Variants in SH2D2A observed in about 807,000 individuals in gnomAD.
SH2D2A encodes the protein SH2 domain-containing protein 2A.
A neutral mutation model predicts 43.6 loss-of-function variants in SH2D2A; 33 were observed. The observed-to-expected ratio is 0.76, with a 90% CI of 0.57 to 1.01. The LOEUF (loss-of-function observed/expected upper bound fraction) is 1.01. Ranked by LOEUF, SH2D2A falls within the 50% of genes least tolerant of loss-of-function variation. SH2D2A has a pLI of 0.00. For synonymous variants in SH2D2A, 212 were observed against 206.1 expected, an observed-to-expected ratio of 1.03 and a Z score of -0.25; for missense variants, 491 against 503.1, an observed-to-expected ratio of 0.98 and a Z score of 0.23.
At chr1:156,814,974 C>A in intron 3 of SH2D2A, 63 bp downstream of exon 3, 2 of 1,365,826 alleles carry the variant, frequency 1.5e-6, no homozygotes, top group Non-Finnish European at 1.9e-6. Flanking sequence ...TGGCAGGTGG[C>A]AGGACCCAGA....
At position 156,809,819 on chromosome 1, in the gene SH2D2A, G is replaced by A; in HGVS notation, c.568-12C>T. On this transcript the variant is annotated splice_polypyrimidine_tract_variant and intron_variant, in intron 5 of 8. Coordinates refer to ENST00000368199, the MANE Select transcript of SH2D2A (RefSeq NM_003975.4). The surrounding 1 kb of genome is among the most constrained non-coding windows in gnomAD (Gnocchi z 4.8). ...GCAGGCTCAGGAGTCTGCTGGGAAA[G>A]AAGGAGGTCTGAGGCACTCGGTGGA... The A allele has an allele frequency of 6.2e-7, 1 of 1,613,424 alleles. No individual in the cohort carries two copies. The highest frequency in any genetic ancestry group is 8.5e-7 in the Non-Finnish European group (1 of 1,179,548).
intron 5 of SH2D2A, among the ~76,000 whole-genome samples, chr1:156,812,587 C>T (rs1653495191): frequency 6.6e-6 from 1 of 152,200 alleles, no homozygotes; most frequent in Non-Finnish European, 1.5e-5. Flanking sequence ...AGTGGCCTTC[C>T]CTGACACCCT....
chr1:156,810,849 C>A (rs1653362015), intron 5 of SH2D2A, among the ~76,000 whole-genome samples: 2 of 152,142 alleles, frequency 1.3e-5, no homozygotes. Flanking sequence ...GGGCAGAGAC[C>A]ACCTCAGGAG....
At chr1:156,815,841 A>G (rs1316873293) in intron 2 of SH2D2A, 165 bp downstream of exon 2, 3 of 1,613,668 alleles carry the variant, frequency 1.9e-6, no homozygotes, top group Non-Finnish European at 2.5e-6. Context: ...TGAAGGAGGT[A>G]CTCCTCATTT....
Position 156,807,456 on chromosome 1 carries a change from T to C in SH2D2A, c.1003-111A>G, listed in dbSNP as rs3765782. On this transcript the variant is annotated intron_variant, in intron 7 of 8. Transcript: ENST00000368199. The surrounding 1 kb of genome is among the most constrained non-coding windows in gnomAD (Gnocchi z 5.1). ...CAGACTTTGGCTTCCAGAGAGGGTATCTAAACTCCTCTCATTCATTAATTC... is the reference window on the plus strand; with the variant it reads ...CAGACTTTGGCTTCCAGAGAGGGTACCTAAACTCCTCTCATTCATTAATTC... The C allele has an allele frequency of 6.2e-4, 508 of 819,936 alleles. 9 individuals carry two copies. In the East Asian group the frequency reaches 0.013, roughly 21 times the overall value. 50.8% of individuals were successfully genotyped at this position (819,936 alleles called of 1,614,324 possible).
intron 1 of SH2D2A, 38 bp downstream of exon 1, chr1:156,816,637 T>C: frequency 6.3e-7 from 1 of 1,589,952 alleles, no homozygotes; most frequent in Non-Finnish European, 8.6e-7. Context: ...GGGGTCTTTG[T>C]GCCCCCTCCC....
At chr1:156,811,438 C>T (rs956335991) in intron 5 of SH2D2A, among the ~76,000 whole-genome samples, 1 of 152,196 alleles carries the variant, frequency 6.6e-6, no homozygotes, top group African/African-American at 2.4e-5. Flanking sequence ...AGTGACAAGA[C>T]TCTGTGTGAT....
In SH2D2A at chr1:156,809,825, G is replaced by A. The variant is rs1206295924; in HGVS notation, c.568-18C>T. 1 of 1,613,392 alleles carries A rather than the reference G, an allele frequency of 6.2e-7. No homozygotes were observed. Among genetic ancestry groups the A allele is most frequent in the South Asian group, 1.1e-5 (1 of 91,028 alleles). On this transcript the variant is annotated intron_variant, in intron 5 of 8. Coordinates refer to ENST00000368199, the MANE Select transcript of SH2D2A (RefSeq NM_003975.4). This position sits in a 1 kb window ranked among gnomAD's most constrained non-coding sequence, Gnocchi z 4.8. ...TCAGGAGTCTGCTGGGAAAGAAGGAGGTCTGAGGCACTCGGTGGAGCGTTG... is the reference window on the plus strand; with the variant it reads ...TCAGGAGTCTGCTGGGAAAGAAGGAAGTCTGAGGCACTCGGTGGAGCGTTG...
In SH2D2A at chr1:156,815,186, T is replaced by C; in HGVS notation, c.159A>G (p.Thr53=). 6.3e-7 allele frequency: 1 copy of C among 1,590,312 alleles called. No homozygotes were observed. The highest frequency in any genetic ancestry group is 8.6e-7 in the Non-Finnish European group (1 of 1,167,692). ...CCTCCTCTGCCCTCTCAGCATTCCCTGTGTTGGAGGCAGCCTCCGGGGCCT... is the reference window on the plus strand; with the variant it reads ...CCTCCTCTGCCCTCTCAGCATTCCCCGTGTTGGAGGCAGCCTCCGGGGCCT... ...SPQAPEAASN[T]GNAERAEEVP... Residue 53 remains threonine, a synonymous_variant, in exon 3 of 9, where the codon ACA becomes ACG. Transcript: ENST00000368199.
chr1:156,812,910 C>T (rs1212369218), intron 5 of SH2D2A, among the ~76,000 whole-genome samples: 1 of 152,192 alleles, frequency 6.6e-6, no homozygotes, highest in African/African-American at 2.4e-5. Flanking sequence ...TTTTCCAGTG[C>T]GCAGAAAGTT....
Position 156,814,226 on chromosome 1 carries a change from A to C in SH2D2A, c.377T>G (p.Val126Gly). Residue 126 changes from valine to glycine, a missense_variant, in exon 4 of 9, where the codon GTG becomes GGG. Transcript: ENST00000368199. ...CYLVRFSESA[V>G]TFVLTYRSRT... is the part of the protein sequence containing the mutation. Reference sequence around the variant, plus strand: ...TCACCTGTAAGTCAGCACGAAGGTCACCGCGCTCTCGCTGAACCGCACCAA... The same window carrying C: ...TCACCTGTAAGTCAGCACGAAGGTCCCCGCGCTCTCGCTGAACCGCACCAA... 1.2e-6 allele frequency: 2 copies of C among 1,613,814 alleles called. No homozygotes were observed. Among genetic ancestry groups the C allele is most frequent in the Non-Finnish European group, 1.7e-6 (2 of 1,179,944 alleles).
chr1:156,816,284 A>G (rs1653924142), intron 1 of SH2D2A, 190 bp from the exon 2 acceptor site: 1 of 481,190 alleles, frequency 2.1e-6, no homozygotes, highest in Admixed American at 6.4e-5. Flanking sequence ...TGGGGGGCTA[A>G]TGCTGCCAGA....
Position 156,816,057 on chromosome 1 carries a change from G to A in SH2D2A, c.72C>T (p.Phe24=), listed in dbSNP as rs762721468. 4.4e-5 allele frequency: 71 copies of A among 1,614,080 alleles called. 1 individual carries two copies. Among genetic ancestry groups the A allele is most frequent in the Non-Finnish European group, 6.0e-5 (71 of 1,179,966 alleles). Residue 24 remains phenylalanine (F), a synonymous_variant, in exon 2 of 9, where the codon TTC becomes TTT. Coordinates refer to ENST00000368199, the MANE Select transcript of SH2D2A (RefSeq NM_003975.4). ...HEAPIPTFST[F]QITDMTRRSC... ...TCCTGCGGGTCATGTCTGTGATCTG[G>A]AAGGTGCTGAAGGTTGGGATGGGGG...
intron 5 of SH2D2A, among the ~76,000 whole-genome samples, chr1:156,812,861 G>A (rs1365102945): frequency 6.6e-6 from 1 of 152,200 alleles, no homozygotes; most frequent in African/African-American, 2.4e-5. Context: ...GGAAGCTCTT[G>A]AAGGCAGAGA....
intron 5 of SH2D2A, 62 bp downstream of exon 5, chr1:156,813,786 C>T (rs932771108): frequency 1.5e-6 from 2 of 1,344,578 alleles, no homozygotes; most frequent in African/African-American, 3.1e-5. Flanking sequence ...CGCCTGGGCT[C>T]TGAGCGGGAG....
chr1:156,814,544 G>A (rs1408846033), intron 3 of SH2D2A: 1 of 592,856 alleles, frequency 1.7e-6, no homozygotes, highest in African/African-American at 1.9e-5. Context: ...ATCCTGAAAG[G>A]GCAGCCTGCA....
intron 5 of SH2D2A, 67 bp downstream of exon 5, chr1:156,813,780 TG>T: frequency 7.5e-7 from 1 of 1,337,486 alleles, no homozygotes; most frequent in Admixed American, 3.5e-5. Context: ...GTCCTGCGCC[TG>T]GGCTCTGAGC....
Position 156,816,665 on chromosome 1 carries a change from TCA to T in SH2D2A, c.34+8_34+9del. On this transcript the variant is annotated splice_region_variant and intron_variant, in intron 1 of 8. Transcript: ENST00000368199. The stretch of plus-strand genomic sequence containing the variant: ...CCCCTCCCACCCATATCCTTCAACT[TCA>T]CACTTACCTTGGGGACATATCTGGG... 1 of 1,601,492 alleles carries T rather than the reference TCA, an allele frequency of 6.2e-7. No individual in the cohort carries two copies. Among genetic ancestry groups the T allele is most frequent in the Non-Finnish European group, 8.5e-7 (1 of 1,173,482 alleles).
Position 156,807,323 on chromosome 1 carries a change from T to C in SH2D2A, c.1025A>G (p.His342Arg), listed in dbSNP as rs1391044714. ...TTGCCCAATCACAGAGTTCTCAGAA[T>C]GCAGCTGGGAGCCACCTGTATTCTG... ...GGQNTGGSQL[H>R]SENSVIGQGP... Residue 342 changes from histidine to arginine, a missense_variant, in exon 8 of 9, where the codon CAT (histidine) becomes CGT (arginine). Physicochemically the swap from His to Arg is conservative, Grantham distance 29. Transcript: ENST00000368199. The surrounding 1 kb of genome is among the most constrained non-coding windows in gnomAD (Gnocchi z 5.1). The C allele has an allele frequency of 6.3e-7, 1 of 1,578,112 alleles. No individual in the cohort carries two copies. The highest frequency in any genetic ancestry group is 2.3e-5 in the East Asian group (1 of 44,320).
Sources: gnomAD v4.1 joint callset for allele counts (sites outside exome capture counted in the v4.1 genomes callset) on GRCh38, gnomAD v4.1.1 for gene constraint, Gnocchi (gnomAD v3.1) non-coding constraint, MANE v1.5 for transcripts, NCBI Gene and HGNC (gene_info 2026-07-23, HGNC 2026-07-21) for gene names.